Variants in LETMD1 observed in about 807,000 individuals in gnomAD.
The protein encoded by LETMD1 is LETM1 domain containing 1.
A neutral mutation model predicts 43.9 loss-of-function variants in LETMD1; 30 were observed. The observed-to-expected ratio is 0.68, with a 90% CI of 0.51 to 0.93. The LOEUF (loss-of-function observed/expected upper bound fraction) is 0.93, where lower values mean the gene tolerates loss of function less well. LETMD1 is among the 40% of genes least tolerant of loss of function. The probability of loss-of-function intolerance (pLI) is 0.00; values close to 1 mark genes in which losing one functional copy is unlikely to be tolerated. For missense variants in LETMD1, 413 were observed against 447.7 expected (o/e 0.92, Z 0.70); for synonymous variants, 176 against 163.1 (o/e 1.08, Z -0.60).
chr12:51,054,790 G>T (rs1344355460), intron 4 of LETMD1, among the ~76,000 whole-genome samples: 2 of 152,116 alleles, frequency 1.3e-5, no homozygotes, highest in Non-Finnish European at 2.9e-5. Context: ...CACCAAACAC[G>T]TAGATAAATA....
In LETMD1 at chr12:51,056,171, CATG is replaced by C. The variant is rs1242984428; in HGVS notation, c.691_693del (p.Asp231del). On this transcript the variant is annotated inframe_deletion, in exon 6 of 9. Coordinates refer to ENST00000262055, the MANE Select transcript of LETMD1 (RefSeq NM_015416.5). ...ACAGCGTGGTACCCACCCAGCAATA[CATG>C]ATATCTTGGCTCTGAGAGAGTGTTT... The C allele has an allele frequency of 6.2e-7, 1 of 1,614,246 alleles. No homozygotes were observed. Among genetic ancestry groups the C allele is most frequent in the South Asian group, 1.1e-5 (1 of 91,090 alleles).
chr12:51,061,100 T>TTAA (rs1459047319), downstream of LETMD1: 1 of 152,114 alleles, frequency 6.6e-6, no homozygotes, highest in Non-Finnish European at 1.5e-5. Context: ...ATTGTTAACA[T>TTAA]TAATTCCTAA....
At chr12:51,067,811 A>G in the LETMD1 span, 3 of 1,614,232 alleles carry the variant, frequency 1.9e-6, no homozygotes, top group Non-Finnish European at 2.5e-6. This position sits in a 1 kb window ranked among gnomAD's most constrained non-coding sequence, Gnocchi z 4.1. Context: ...GGTGGACCCC[A>G]GAAGCCCTCA....
At chr12:51,064,832 T>G (rs866064385), downstream of LETMD1, among the ~76,000 whole-genome samples, 2 of 152,178 alleles carry the variant, frequency 1.3e-5, no homozygotes, top group African/African-American at 2.4e-5. Context: ...AACAGAACAC[T>G]AGATGGTAGT....
chr12:51,063,519 A>T (rs1937782614), downstream of LETMD1: 1 of 360,376 alleles, frequency 2.8e-6, no homozygotes, highest in Non-Finnish European at 5.0e-6. Context: ...AGCACTACGC[A>T]GCTTTCTTTG....
At chr12:51,061,896 G>T (rs936229451), downstream of LETMD1, 3 of 152,110 alleles carry the variant, frequency 2.0e-5, no homozygotes, top group Admixed American at 6.6e-5. Flanking sequence ...CTTCAGTCCT[G>T]TGTTTGAGGG....
downstream of LETMD1, chr12:51,063,866 G>A: frequency 6.2e-7 from 1 of 1,614,148 alleles, no homozygotes; most frequent in South Asian, 1.1e-5. Context: ...GGCTTGAGGG[G>A]GACCAGGAAG....
At chr12:51,066,397 G>A in the LETMD1 span, among the ~76,000 whole-genome samples, 17 of 149,972 alleles carry the variant, frequency 1.1e-4, no homozygotes, top group Non-Finnish European at 2.2e-4. Flanking sequence ...AGGTTGCAGC[G>A]AGCCGAGATC....
chr12:51,050,010 C>T (rs1436513863), intron 2 of LETMD1, among the ~76,000 whole-genome samples: 2 of 152,160 alleles, frequency 1.3e-5, no homozygotes, highest in Non-Finnish European at 2.9e-5. Context: ...TGCACCAAAT[C>T]TATAATATGC....
chr12:51,048,336 C>T lies in LETMD1; in HGVS notation c.-21C>T, dbSNP rs767911357. Reference sequence around the variant, plus strand: ...TTGACCCAAAGACAACCTCTTCTCTCCCGCTTCTCTCGCTGTGAAGATGGC... The same window carrying T: ...TTGACCCAAAGACAACCTCTTCTCTTCCGCTTCTCTCGCTGTGAAGATGGC... On this transcript the variant is annotated 5_prime_UTR_variant, in exon 1 of 9. Transcript: ENST00000262055. The T allele has an allele frequency of 1.4e-5, 22 of 1,613,932 alleles. No individual in the cohort carries two copies. In the East Asian group the frequency reaches 4.5e-4, roughly 33 times the overall value.
rs375020003 is a variant in LETMD1 at position 51,053,901 on chromosome 12, A to G, written c.473+41A>G. The G allele has an allele frequency of 7.5e-5, 99 of 1,322,958 alleles. No homozygotes were observed. The Middle Eastern group carries it at 1.3e-3, about 17-fold the overall frequency. The allele number at this position is 1,322,958 out of a possible 1,614,324, so 82.0% of individuals were successfully genotyped here. A position where few individuals can be genotyped will look rare whatever the true frequency, so the allele number is the denominator to read the frequency against. ...CATCTCCCCAACATCTTGAAGATGT[A>G]TCAATTTTTTTAAATTAAGAATTAC... On this transcript the variant is annotated intron_variant, in intron 4 of 8. Coordinates refer to ENST00000262055, the MANE Select transcript of LETMD1 (RefSeq NM_015416.5).
At chr12:51,062,086 A>G (rs541727797), downstream of LETMD1, 1 of 152,348 alleles carries the variant, frequency 6.6e-6, no homozygotes, top group African/African-American at 2.4e-5. Flanking sequence ...GAAAGGCAGA[A>G]TGAACTAAAA....
chr12:51,059,319 A>ATGGCTT, intron 8 of LETMD1, 42 bp from the exon 9 acceptor site: 1 of 1,563,396 alleles, frequency 6.4e-7, no homozygotes, highest in Admixed American at 1.7e-5. Context: ...GGCAGTTATA[A>ATGGCTT]GGCAGTGTTC....
downstream of LETMD1, among the ~76,000 whole-genome samples, chr12:51,065,002 T>G (rs1937993011): frequency 6.6e-6 from 1 of 152,172 alleles, no homozygotes; most frequent in Admixed American, 6.5e-5. Context: ...GAGATACTTC[T>G]CTGAATGCTG....
intron 2 of LETMD1, among the ~76,000 whole-genome samples, chr12:51,050,598 C>A (rs187052543): frequency 6.6e-6 from 1 of 152,222 alleles, no homozygotes; most frequent in Non-Finnish European, 1.5e-5. Context: ...AACCTCACTT[C>A]ATTATCATAA....
intron 6 of LETMD1, 35 bp from the exon 7 acceptor site, chr12:51,056,315 A>G (rs769288914): frequency 3.1e-6 from 5 of 1,613,738 alleles, no homozygotes; most frequent in East Asian, 2.2e-5. Context: ...AGCTCATACT[A>G]TTTGCCTTTC....
At position 51,059,788 on chromosome 12, in the gene LETMD1, C is replaced by T; in HGVS notation, c.*357C>T. On this transcript the variant is annotated 3_prime_UTR_variant, in exon 9 of 9. Coordinates refer to ENST00000262055, the MANE Select transcript of LETMD1 (RefSeq NM_015416.5). ...GCCCCAGGTGGGAATCCTTATTTGG[C>T]TTAGGACTGATCCACTTCCATGTTA... 1 of 246,020 alleles carries T rather than the reference C, an allele frequency of 4.1e-6. No individual in the cohort carries two copies. Among genetic ancestry groups the T allele is most frequent in the Admixed American group, 4.8e-5 (1 of 20,940 alleles). 15.2% of individuals were successfully genotyped at this position (246,020 alleles called of 1,614,324 possible).
chr12:51,055,665 TAAAAAAAAAAAA>T (rs56285797), intron 4 of LETMD1, 158 bp from the exon 5 acceptor site: 3 of 150,422 alleles, frequency 2.0e-5, no homozygotes, highest in Non-Finnish European at 3.5e-5. Flanking sequence ...CCCTGTCTCT[TAAAAAAAAAAAA>T]AAAAAAAAAA....
chr12:51,056,480 T>TA lies in LETMD1; in HGVS notation c.893_894insA (p.Thr299AspfsTer21). 6.2e-7 allele frequency: 1 copy of TA among 1,614,208 alleles called. No homozygotes were observed. The highest frequency in any genetic ancestry group is 8.5e-7 in the Non-Finnish European group (1 of 1,180,048). On this transcript the variant is annotated frameshift_variant, in exon 7 of 9. Coordinates refer to ENST00000262055, the MANE Select transcript of LETMD1 (RefSeq NM_015416.5). LOFTEE classifies it high-confidence loss of function. ...TTGGCAAAGCTGGGGATTGGCCAGCTGACTGCTCAGGAAGTAAAATCGGTA... is the reference window on the plus strand; with the variant it reads ...TTGGCAAAGCTGGGGATTGGCCAGCTAGACTGCTCAGGAAGTAAAATCGGTA...
Sources: allele counts gnomAD v4.1 joint callset (sites outside exome capture counted in the v4.1 genomes callset), GRCh38; gene constraint gnomAD v4.1.1; non-coding constraint Gnocchi (gnomAD v3.1); transcripts MANE v1.5; gene names NCBI Gene and HGNC (gene_info 2026-07-23, HGNC 2026-07-21).